Variants in TMEM132B observed in about 807,000 individuals in gnomAD.
TMEM132B encodes transmembrane protein 132B.
A neutral mutation model predicts 90.8 loss-of-function variants in TMEM132B; 18 were observed. The observed-to-expected ratio is 0.20, with a 90% confidence interval of 0.14 to 0.29. The LOEUF (loss-of-function observed/expected upper bound fraction) is 0.29. Among genes scored for constraint, TMEM132B ranks in the 10% least tolerant of loss-of-function variants. The pLI, the probability that TMEM132B is intolerant of heterozygous loss-of-function variation, is 1.00. For missense variants in TMEM132B, 1,096 were observed against 1,326.8 expected (o/e 0.83, Z 2.70); for synonymous variants, 504 against 523.3 (o/e 0.96, Z 0.50).
chr12:125,637,718 C>T (rs1318406702), intron 5 of TMEM132B, among the ~76,000 whole-genome samples: 2 of 152,134 alleles, frequency 1.3e-5, no homozygotes, highest in Non-Finnish European at 2.9e-5. Context: ...ATAAGGATGA[C>T]TCTCAGAATC....
At chr12:125,582,178 C>A (rs1010196714) in intron 4 of TMEM132B, among the ~76,000 whole-genome samples, 1 of 151,798 alleles carries the variant, frequency 6.6e-6, no homozygotes, top group African/African-American at 2.4e-5. Flanking sequence ...TCCGTAACTA[C>A]CTTGGGAGAG....
At chr12:125,221,044 T>C (rs1017768909) in intron 1 of TMEM132B, among the ~76,000 whole-genome samples, 2 of 152,250 alleles carry the variant, frequency 1.3e-5, no homozygotes, top group African/African-American at 4.8e-5. Flanking sequence ...CCACATGTCA[T>C]CATTTTAGAG....
chr12:125,399,292 A>G (rs902589085), intron 2 of TMEM132B, among the ~76,000 whole-genome samples: 11 of 152,222 alleles, frequency 7.2e-5, no homozygotes, highest in Non-Finnish European at 1.6e-4. Context: ...AGATCATCCT[A>G]AAGTTTATAT....
intron 4 of TMEM132B, among the ~76,000 whole-genome samples, chr12:125,520,000 G>C (rs1420541696): frequency 1.3e-5 from 2 of 152,152 alleles, no homozygotes; most frequent in South Asian, 4.1e-4. Flanking sequence ...TTGTCAATTG[G>C]CTTTGCCCTT....
chr12:125,455,023 A>G (rs1438506978), intron 3 of TMEM132B, among the ~76,000 whole-genome samples: 1 of 152,244 alleles, frequency 6.6e-6, no homozygotes, highest in Non-Finnish European at 1.5e-5. Flanking sequence ...TATGTCTTAA[A>G]AGAAGAAATA....
intron 3 of TMEM132B, among the ~76,000 whole-genome samples, chr12:125,483,150 C>T (rs566757122): frequency 6.6e-5 from 10 of 151,942 alleles, no homozygotes; most frequent in African/African-American, 1.9e-4. Context: ...ATGTAAATGA[C>T]GAGTTAATGG....
intron 1 of TMEM132B, among the ~76,000 whole-genome samples, chr12:125,265,470 C>T (rs191823661): frequency 5.9e-5 from 9 of 152,222 alleles, no homozygotes; most frequent in East Asian, 1.9e-4. Flanking sequence ...ATCTCTTTGC[C>T]GTACTCATCG....
At chr12:125,516,294 G>A (rs1883162910) in intron 3 of TMEM132B, among the ~76,000 whole-genome samples, 1 of 152,192 alleles carries the variant, frequency 6.6e-6, no homozygotes, top group African/African-American at 2.4e-5. Context: ...TTATTAAACT[G>A]AGAGAATCAT....
At chr12:125,285,472 T>C (rs1054249850) in intron 1 of TMEM132B, among the ~76,000 whole-genome samples, 1 of 152,204 alleles carries the variant, frequency 6.6e-6, no homozygotes, top group Non-Finnish European at 1.5e-5. Flanking sequence ...AGCTGAAGCC[T>C]CCCTTTATTT....
At chr12:125,378,901 C>T (rs886590464) in intron 2 of TMEM132B, among the ~76,000 whole-genome samples, 3 of 152,164 alleles carry the variant, frequency 2.0e-5, no homozygotes, top group Admixed American at 6.5e-5. Flanking sequence ...GAGAAGGACA[C>T]TAGAACTGCC....
intron 4 of TMEM132B, among the ~76,000 whole-genome samples, chr12:125,531,094 G>A (rs1020296315): frequency 1.3e-5 from 2 of 152,198 alleles, no homozygotes; most frequent in African/African-American, 2.4e-5. Flanking sequence ...ACACTCAGTC[G>A]TGTTGACTGG....
Position 125,567,417 on chromosome 12 carries a change from A to C in TMEM132B, c.1294-16434A>C, listed in dbSNP as rs1884685200. 4.0e-5 allele frequency among the ~76,000 whole-genome samples: 6 copies of C among 149,292 alleles called. No homozygotes were observed. The South Asian group carries it at 6.4e-4, about 16-fold the overall frequency. ...TGTCTCCCTTCCTTTCTCCTTCCTC[A>C]TCTCCTTCTTGCTCTGACCCCTGCC... On this transcript the variant is annotated intron_variant, in intron 4 of 8. Coordinates refer to ENST00000682704, the MANE Select transcript of TMEM132B (RefSeq NM_001366854.1).
chr12:125,473,899 T>C (rs1881786886), intron 3 of TMEM132B, among the ~76,000 whole-genome samples: 1 of 152,176 alleles, frequency 6.6e-6, no homozygotes. Flanking sequence ...AAGTTTTTTT[T>C]TTCTTCTTTT....
chr12:125,457,620 G>A (rs1280036283), intron 3 of TMEM132B, among the ~76,000 whole-genome samples: 2 of 152,176 alleles, frequency 1.3e-5, no homozygotes, highest in Non-Finnish European at 2.9e-5. Context: ...GGGAGGCTGG[G>A]GCAGGGGAAT....
chr12:125,598,364 C>T (rs559005660), intron 5 of TMEM132B, among the ~76,000 whole-genome samples: 1 of 152,218 alleles, frequency 6.6e-6, no homozygotes, highest in African/African-American at 2.4e-5. Context: ...AAAAATTAAC[C>T]TGCCCCAATC....
intron 4 of TMEM132B, among the ~76,000 whole-genome samples, chr12:125,578,831 G>T (rs889528383): frequency 1.3e-5 from 2 of 152,008 alleles, no homozygotes; most frequent in African/African-American, 2.4e-5. Context: ...AAGATTGCTT[G>T]TATATAATGA....
chr12:125,432,528 T>TAGAG lies in TMEM132B; in HGVS notation c.1106+16887_1106+16890dup, dbSNP rs1163300235. 4.3e-4 allele frequency among the ~76,000 whole-genome samples: 17 copies of TAGAG among 39,122 alleles called. 3 individuals carry two copies. Among genetic ancestry groups the TAGAG allele is most frequent in the South Asian group, 2.8e-3 (3 of 1,078 alleles). The allele number at this position is 39,122 out of a possible 152,430, so 25.7% of individuals were successfully genotyped here. A position where few individuals can be genotyped will look rare whatever the true frequency, so the allele number is the denominator to read the frequency against. On this transcript the variant is annotated intron_variant, in intron 3 of 8. Transcript: ENST00000682704. ...GTGTGTGTGTATATATATATATATA[T>TAGAG]AGAGAGAGAGAGAGAGAGAGAGAGA...
At chr12:125,573,980 A>T (rs1884870832) in intron 4 of TMEM132B, among the ~76,000 whole-genome samples, 1 of 152,204 alleles carries the variant, frequency 6.6e-6, no homozygotes, top group Non-Finnish European at 1.5e-5. Context: ...TATCTGTTAC[A>T]TAATATTTTA....
chr12:125,466,695 G>T (rs779666824), intron 3 of TMEM132B, among the ~76,000 whole-genome samples: 3 of 152,232 alleles, frequency 2.0e-5, no homozygotes, highest in Non-Finnish European at 4.4e-5. Flanking sequence ...GCAATGGAGG[G>T]CTCTTATCAC....
Sources: allele counts gnomAD v4.1 joint callset (sites outside exome capture counted in the v4.1 genomes callset), GRCh38; gene constraint gnomAD v4.1.1; transcripts MANE v1.5; gene names NCBI Gene and HGNC (gene_info 2026-07-23, HGNC 2026-07-21).